Variants in CACNG2 observed in about 807,000 individuals in gnomAD.
CACNG2 encodes calcium voltage-gated channel auxiliary subunit gamma 2.
Under a neutral mutation model 25.9 loss-of-function variants are expected in CACNG2, and 3 were observed. That is an observed-to-expected ratio of 0.12 (90% CI 0.05 to 0.30). CACNG2 has a LOEUF of 0.30. CACNG2 is among the 10% of genes least tolerant of loss of function. The pLI is 1.00. For synonymous variants in CACNG2, 167 were observed against 173.3 expected (o/e 0.96, Z 0.29); for missense variants, 341 against 432.5 (o/e 0.79, Z 1.88).
At chr22:36,671,501 G>A (rs1848847089) in intron 1 of CACNG2, among the ~76,000 whole-genome samples, 1 of 152,190 alleles carries the variant, frequency 6.6e-6, no homozygotes, top group African/African-American at 2.4e-5. Flanking sequence ...GTGACTGCAA[G>A]CTGAAATGCT....
chr22:36,692,208 C>T (rs957287582), intron 1 of CACNG2, among the ~76,000 whole-genome samples: 1 of 152,144 alleles, frequency 6.6e-6, no homozygotes, highest in Non-Finnish European at 1.5e-5. Context: ...GTGGATTCTT[C>T]CTACAACGAG....
intron 1 of CACNG2, among the ~76,000 whole-genome samples, chr22:36,593,163 C>T (rs1051297301): frequency 1.3e-5 from 2 of 152,214 alleles, no homozygotes; most frequent in Non-Finnish European, 2.9e-5. Flanking sequence ...GCCAGCTTCC[C>T]TGACATAGTA....
intron 1 of CACNG2, among the ~76,000 whole-genome samples, chr22:36,603,746 A>G (rs185661622): frequency 6.6e-6 from 1 of 152,316 alleles, no homozygotes; most frequent in Admixed American, 6.5e-5. Context: ...TTTACTGAAT[A>G]TTTTAAGCCC....
intron 1 of CACNG2, among the ~76,000 whole-genome samples, chr22:36,688,489 A>G (rs1937228856): frequency 6.7e-6 from 1 of 148,682 alleles, no homozygotes; most frequent in Non-Finnish European, 1.5e-5. Flanking sequence ...GCAGTGAGCC[A>G]TGATTGCACC....
intron 2 of CACNG2, among the ~76,000 whole-genome samples, chr22:36,570,305 A>G (rs1348103054): frequency 6.6e-6 from 1 of 152,168 alleles, no homozygotes; most frequent in Non-Finnish European, 1.5e-5. Context: ...GCCAGCAAAG[A>G]GCAATGTGGA....
intron 1 of CACNG2, among the ~76,000 whole-genome samples, chr22:36,593,092 C>T (rs1376518043): frequency 6.6e-6 from 1 of 152,230 alleles, no homozygotes; most frequent in African/African-American, 2.4e-5. Context: ...GAGATGGAGC[C>T]TTGGTCCCAG....
intron 2 of CACNG2, among the ~76,000 whole-genome samples, chr22:36,583,450 A>AT: frequency 6.6e-6 from 1 of 151,936 alleles, no homozygotes; most frequent in South Asian, 2.1e-4. Flanking sequence ...AAAGAAAAAA[A>AT]AAAAAGAATT....
At chr22:36,652,795 C>T (rs1034047775) in intron 1 of CACNG2, among the ~76,000 whole-genome samples, 3 of 152,048 alleles carry the variant, frequency 2.0e-5, no homozygotes, top group African/African-American at 7.2e-5. Context: ...TGGCAAGATA[C>T]CCTGTGAGCA....
rs933090495 is a variant in CACNG2, at chr22:36,702,359, C to T, written c.211+7G>A. ...GGAGAGGGGGGAGGAGATGGGAAGT[C>T]AAGTACCTTCTAGGCAGCAGGTTCT... On this transcript the variant is annotated splice_region_variant and intron_variant, in intron 1 of 3. Coordinates refer to ENST00000300105, the MANE Select transcript of CACNG2 (RefSeq NM_006078.5). 6.2e-7 allele frequency: 1 copy of T among 1,606,084 alleles called. No individual in the cohort carries two copies. The highest frequency in any genetic ancestry group is 2.2e-5 in the East Asian group (1 of 44,810).
chr22:36,700,051 C>T (rs1937391176), intron 1 of CACNG2, among the ~76,000 whole-genome samples: 1 of 152,252 alleles, frequency 6.6e-6, no homozygotes, highest in South Asian at 2.1e-4. Flanking sequence ...GGAGTATCAT[C>T]CCTGAGGAGA....
intron 1 of CACNG2, among the ~76,000 whole-genome samples, chr22:36,591,257 C>T (rs1001016961): frequency 6.6e-6 from 1 of 152,040 alleles, no homozygotes; most frequent in East Asian, 1.9e-4. Flanking sequence ...TCTCGATCTC[C>T]TGACCTCGTG....
chr22:36,631,430 T>G (rs1936269088), intron 1 of CACNG2, among the ~76,000 whole-genome samples: 2 of 152,102 alleles, frequency 1.3e-5, no homozygotes, highest in Admixed American at 1.3e-4. Flanking sequence ...AGCAGTGTCC[T>G]TCAGGGGAAG....
At chr22:36,628,732 A>C (rs1362881575) in intron 1 of CACNG2, among the ~76,000 whole-genome samples, 1 of 152,098 alleles carries the variant, frequency 6.6e-6, no homozygotes, top group Non-Finnish European at 1.5e-5. Flanking sequence ...GAAAGTGTGA[A>C]TCCTGCTGTT....
intron 1 of CACNG2, among the ~76,000 whole-genome samples, chr22:36,658,873 G>T (rs963041430): frequency 2.0e-5 from 3 of 152,176 alleles, no homozygotes; most frequent in Admixed American, 6.5e-5. Context: ...TCCCTGCAGA[G>T]ACTGAAGATA....
intron 1 of CACNG2, among the ~76,000 whole-genome samples, chr22:36,635,240 C>T (rs1464274972): frequency 6.7e-6 from 1 of 149,554 alleles, no homozygotes; most frequent in South Asian, 2.1e-4. Context: ...GCTGAGATTG[C>T]GCCACTGCAC....
In CACNG2 at chr22:36,606,371, G is replaced by A. The variant is rs1344766798; in HGVS notation, c.212-18823C>T. Among the ~76,000 whole-genome samples the A allele has an allele frequency of 2.0e-5, 3 of 152,314 alleles. No individual in the cohort carries two copies. Among genetic ancestry groups the A allele is most frequent in the East Asian group, 1.9e-4 (1 of 5,188 alleles). ...GTTGAGGTGGACGCTATTAGTCTCC[G>A]TACATTAGAGATATGGAAGTGGAGG... On this transcript the variant is annotated intron_variant, in intron 1 of 3. Transcript: ENST00000300105. The surrounding 1 kb of genome is among the most constrained non-coding windows in gnomAD (Gnocchi z 5.7).
intron 1 of CACNG2, among the ~76,000 whole-genome samples, chr22:36,604,969 C>T (rs1935809741): frequency 6.6e-6 from 1 of 152,048 alleles, no homozygotes; most frequent in South Asian, 2.1e-4. Context: ...AGATGGGGGT[C>T]TCACTATGTT....
intron 1 of CACNG2, among the ~76,000 whole-genome samples, chr22:36,638,830 T>TA (rs977089039): frequency 2.0e-5 from 3 of 152,130 alleles, no homozygotes; most frequent in Non-Finnish European, 4.4e-5. Context: ...TTATATTGAA[T>TA]AAAAAAATGG....
At chr22:36,669,101 A>C (rs1344591123) in intron 1 of CACNG2, among the ~76,000 whole-genome samples, 1 of 152,070 alleles carries the variant, frequency 6.6e-6, no homozygotes, top group Non-Finnish European at 1.5e-5. Context: ...TTGAGTTGAC[A>C]CATATATTTA....
Sources: gnomAD v4.1 joint callset for allele counts (sites outside exome capture counted in the v4.1 genomes callset) on GRCh38, gnomAD v4.1.1 for gene constraint, Gnocchi (gnomAD v3.1) non-coding constraint, MANE v1.5 for transcripts, NCBI Gene and HGNC (gene_info 2026-07-23, HGNC 2026-07-21) for gene names.